The following ASPM variants were observed in gnomAD, a reference collection of about 807,000 sequenced individuals.
ASPM encodes assembly factor for spindle microtubules.
ASPM carries 256 observed loss-of-function variants against 366.4 expected under a neutral mutation model. The ratio of observed to expected loss-of-function variants is 0.70; its 90% confidence interval spans 0.63 to 0.77. ASPM has a LOEUF of 0.77. Ranked by LOEUF, ASPM falls within the 30% of genes least tolerant of loss-of-function variation. The probability of loss-of-function intolerance (pLI) is 0.00; values close to 1 mark genes in which losing one functional copy is unlikely to be tolerated. For missense variants in ASPM, 4,146 were observed against 4,090.4 expected (o/e 1.01, Z -0.37); for synonymous variants, 1,414 against 1,342.9 (o/e 1.05, Z -1.16).
At position 197,142,328 on chromosome 1, in the gene ASPM, C is replaced by A; in HGVS notation, c.1921+3G>T. ...TTCAGTAGATTTTATAAACAAGACTCACCAGTTTTCTTCTTCAGGTTTAAT... is the reference window on the plus strand; with the variant it reads ...TTCAGTAGATTTTATAAACAAGACTAACCAGTTTTCTTCTTCAGGTTTAAT... On this transcript the variant is annotated splice_donor_region_variant and intron_variant, in intron 3 of 27. Coordinates refer to ENST00000367409, the MANE Select transcript of ASPM (RefSeq NM_018136.5). 6.2e-7 allele frequency: 1 copy of A among 1,613,324 alleles called. No homozygotes were observed. The highest frequency in any genetic ancestry group is 8.5e-7 in the Non-Finnish European group (1 of 1,179,502).
chr1:197,127,410 T>C (rs1285035368), intron 10 of ASPM, among the ~76,000 whole-genome samples: 1 of 152,178 alleles, frequency 6.6e-6, no homozygotes, highest in Admixed American at 6.5e-5. Context: ...TCCCCATACG[T>C]CAACATTTAA....
chr1:197,139,818 TG>T lies in ASPM; in HGVS notation c.1974del (p.Ile659LeufsTer9). 1 of 1,612,602 alleles carries T rather than the reference TG, an allele frequency of 6.2e-7. No homozygotes were observed. Among genetic ancestry groups the T allele is most frequent in the Non-Finnish European group, 8.5e-7 (1 of 1,178,684 alleles). ...AAACTGGACTGTGCCACAGCGATAA[TG>T]GGTTTTGTCCTTTTGTTTGTTTTAG... is the stretch of plus-strand genomic sequence containing the variant. ...PISKTNKRTK[P>X]IIAVAQSSLT... is the part of the protein sequence containing the mutation. On this transcript the variant is annotated frameshift_variant, in exon 4 of 28. Coordinates refer to ENST00000367409, the MANE Select transcript of ASPM (RefSeq NM_018136.5). LOFTEE classifies it high-confidence loss of function.
At chr1:197,119,229 T>C (rs148677031) in intron 16 of ASPM, among the ~76,000 whole-genome samples, 6 of 152,310 alleles carry the variant, frequency 3.9e-5, no homozygotes, top group East Asian at 1.9e-4. Context: ...AGGGGAATTA[T>C]GTATATAACA....
chr1:197,108,441 AAG>A (rs1222427684), intron 17 of ASPM, among the ~76,000 whole-genome samples: 1 of 152,098 alleles, frequency 6.6e-6, no homozygotes, highest in Non-Finnish European at 1.5e-5. Flanking sequence ...TGAAAAGATC[AAG>A]AGAGTTAAAA....
intron 7 of ASPM, among the ~76,000 whole-genome samples, chr1:197,131,650 C>T (rs1331934975): frequency 6.6e-6 from 1 of 151,792 alleles, no homozygotes; most frequent in Non-Finnish European, 1.5e-5. Flanking sequence ...GCTCCACCTC[C>T]CGGGTTCCCC....
At chr1:197,140,386 G>T (rs1658544433) in intron 3 of ASPM, among the ~76,000 whole-genome samples, 1 of 152,222 alleles carries the variant, frequency 6.6e-6, no homozygotes, top group African/African-American at 2.4e-5. Context: ...AGAAGAGGTA[G>T]GGAGGAGTTC....
At position 197,117,851 on chromosome 1, in the gene ASPM, A is replaced by G; in HGVS notation, c.4003T>C (p.Leu1335=). 2 of 1,613,124 alleles carry G rather than the reference A, an allele frequency of 1.2e-6. No homozygotes were observed. The highest frequency in any genetic ancestry group is 8.5e-7 in the Non-Finnish European group (1 of 1,179,544). Residue 1335 remains leucine (L), a synonymous_variant, in exon 17 of 28, where the codon TTA becomes CTA. Transcript: ENST00000367409. The stretch of plus-strand genomic sequence containing the variant: ...AGCTTTTCCTTTTTTAACATTAATA[A>G]TTTTCTCTGTGCTAAGACTCTTCGC... The part of the protein sequence containing the change: ...YWRRVLAQRK[L]LMLKKEKLEK...
chr1:197,139,363 AG>A, intron 4 of ASPM: 1 of 606,282 alleles, frequency 1.6e-6, no homozygotes, highest in Non-Finnish European at 2.9e-6. Context: ...CTGGGAGGCG[AG>A]GGGAGGGATC....
At chr1:197,125,661 T>C (rs958663578) in intron 10 of ASPM, among the ~76,000 whole-genome samples, 2 of 152,150 alleles carry the variant, frequency 1.3e-5, no homozygotes, top group African/African-American at 2.4e-5. Context: ...ATGAATTGCC[T>C]ATGGTCATAG....
chr1:197,108,472 A>G (rs1255213838), intron 17 of ASPM, among the ~76,000 whole-genome samples: 1 of 152,084 alleles, frequency 6.6e-6, no homozygotes, highest in Non-Finnish European at 1.5e-5. Flanking sequence ...AGACTGACAA[A>G]GAAGAAAAGA....
rs1365614903 is a variant in ASPM, at chr1:197,133,436, A to AT, written c.2332dup (p.Met778AsnfsTer3). ...TTCAAGCTTTTTAATAGCTTTAACC[A>AT]TTTTTTCAGAAGTAAACAAACGGCA... On this transcript the variant is annotated frameshift_variant, in exon 6 of 28. Coordinates refer to ENST00000367409, the MANE Select transcript of ASPM (RefSeq NM_018136.5). LOFTEE classifies it high-confidence loss of function. 5 of 1,613,790 alleles carry AT rather than the reference A, an allele frequency of 3.1e-6. No individual in the cohort carries two copies. Among genetic ancestry groups the AT allele is most frequent in the Non-Finnish European group, 3.4e-6 (4 of 1,179,964 alleles).
At chr1:197,107,501 A>G (rs540532026) in intron 17 of ASPM, among the ~76,000 whole-genome samples, 2 of 152,268 alleles carry the variant, frequency 1.3e-5, no homozygotes, top group East Asian at 3.9e-4. Context: ...ACATAACATT[A>G]AATTTCCAGA....
chr1:197,115,626 T>C (rs1489824541), intron 17 of ASPM, among the ~76,000 whole-genome samples: 1 of 152,206 alleles, frequency 6.6e-6, no homozygotes, highest in Non-Finnish European at 1.5e-5. Context: ...GACTACAGAA[T>C]GGATGTTGTG....
rs1656597776 is a variant in ASPM at position 197,086,692 on chromosome 1, T to A, written c.10331+111A>T. ...CAAACATTCCATTCTTATTCATATG[T>A]TGTTTCTCCACTGAAAAGCACATCT... is the stretch of plus-strand genomic sequence containing the variant. On this transcript the variant is annotated intron_variant, in intron 27 of 27. Transcript: ENST00000367409. 8.7e-6 allele frequency: 8 copies of A among 917,476 alleles called. No homozygotes were observed. In the South Asian group the frequency reaches 9.5e-5, roughly 11 times the overall value. The allele number at this position is 917,476 out of a possible 1,614,324, so 56.8% of individuals were successfully genotyped here. A position where few individuals can be genotyped will look rare whatever the true frequency, so the allele number is the denominator to read the frequency against.
At chr1:197,134,041 C>CT (rs199570856) in intron 5 of ASPM, among the ~76,000 whole-genome samples, 9 of 150,716 alleles carry the variant, frequency 6.0e-5, no homozygotes, top group East Asian at 1.9e-4. Flanking sequence ...CAACTTTTTT[C>CT]TTTTTTTTTA....
Position 197,136,796 on chromosome 1 carries a change from T to C in ASPM, c.2027-1554A>G, listed in dbSNP as rs145080811. On this transcript the variant is annotated intron_variant, in intron 4 of 27. Transcript: ENST00000367409. Reference sequence around the variant, plus strand: ...ATAAATCTGGAAACTCTATTTCACATAAAACTGGAGCTGAAAGAGACAAAT... The same window carrying C: ...ATAAATCTGGAAACTCTATTTCACACAAAACTGGAGCTGAAAGAGACAAAT... Among the ~76,000 whole-genome samples, 106 of 152,194 alleles carry C rather than the reference T, an allele frequency of 7.0e-4. 1 individual carries two copies. The East Asian group carries it at 0.02, about 29-fold the overall frequency.
chr1:197,121,912 T>C lies in ASPM; in HGVS notation c.3870+3A>G, dbSNP rs1657918707. The C allele has an allele frequency of 1.9e-6, 3 of 1,605,292 alleles. No individual in the cohort carries two copies. Among genetic ancestry groups the C allele is most frequent in the Non-Finnish European group, 2.6e-6 (3 of 1,172,988 alleles). Reference sequence around the variant, plus strand: ...CTATAGTAGTTTCATATTCTAGGAGTACCTGATGGCGTTTGAGATCTGTTT... The same window carrying C: ...CTATAGTAGTTTCATATTCTAGGAGCACCTGATGGCGTTTGAGATCTGTTT... On this transcript the variant is annotated splice_donor_region_variant and intron_variant, in intron 16 of 27. Coordinates refer to ENST00000367409, the MANE Select transcript of ASPM (RefSeq NM_018136.5).
intron 26 of ASPM, among the ~76,000 whole-genome samples, chr1:197,087,266 T>C (rs964918575): frequency 6.6e-6 from 1 of 151,432 alleles, no homozygotes; most frequent in Admixed American, 6.6e-5. Context: ...TTAGTAGAGA[T>C]GGAGTTTCAC....
intron 5 of ASPM, 150 bp from the exon 6 acceptor site, chr1:197,133,745 A>C (rs1237713642): frequency 2.0e-5 from 17 of 865,492 alleles, no homozygotes; most frequent in African/African-American, 6.8e-5. Flanking sequence ...CTATCATCGC[A>C]ACCTGTTAGC....
Sources: allele counts gnomAD v4.1 joint callset (sites outside exome capture counted in the v4.1 genomes callset), GRCh38; gene constraint gnomAD v4.1.1; transcripts MANE v1.5; gene names NCBI Gene and HGNC (gene_info 2026-07-23, HGNC 2026-07-21).